The following EBF2 variants were observed in gnomAD, a reference collection of about 807,000 sequenced individuals.
EBF2 encodes the protein transcription factor COE2.
EBF2 carries 21 observed loss-of-function variants against 72.8 expected under a neutral mutation model. The ratio of observed to expected loss-of-function variants is 0.29; its 90% CI spans 0.20 to 0.42. EBF2 has a LOEUF of 0.42. EBF2 is among the 10% of genes least tolerant of loss of function. The probability of loss-of-function intolerance (pLI) is 1.00; values close to 1 mark genes in which losing one functional copy is unlikely to be tolerated. For synonymous variants in EBF2, 299 were observed against 274.2 expected, an observed-to-expected ratio of 1.09 and a Z score of -0.89; for missense variants, 637 against 731.2, an observed-to-expected ratio of 0.87 and a Z score of 1.49.
intron 6 of EBF2, among the ~76,000 whole-genome samples, chr8:26,030,666 A>G (rs1805387108): frequency 6.6e-6 from 1 of 152,166 alleles, no homozygotes; most frequent in Non-Finnish European, 1.5e-5. Context: ...TATTTACAGT[A>G]CCCTTTGGTA....
Position 26,042,118 on chromosome 8 carries a change from C to T in EBF2, c.265G>A (p.Val89Met), listed in dbSNP as rs1467349351. 2 of 1,613,564 alleles carry T rather than the reference C, an allele frequency of 1.2e-6. No homozygotes were observed. Among genetic ancestry groups the T allele is most frequent in the African/African-American group, 2.7e-5 (2 of 74,740 alleles). ...QPVEIERTAF[V>M]DFVENDKEQG... ...ACTTTGTCATTCTCCACAAAGTCCACGAAGGCCGTCCGCTCGATCTCCACC... is the reference window on the plus strand; with the variant it reads ...ACTTTGTCATTCTCCACAAAGTCCATGAAGGCCGTCCGCTCGATCTCCACC... Residue 89 changes from valine to methionine, a missense_variant, in exon 2 of 16, where the codon GTG becomes ATG. This residue lies in a region of EBF2 where 174 missense variants were observed against 161.9 expected (regional missense o/e 1.07). Coordinates refer to ENST00000520164, the MANE Select transcript of EBF2 (RefSeq NM_022659.4).
chr8:25,995,298 C>A (rs1245797872), intron 6 of EBF2, among the ~76,000 whole-genome samples: 2 of 152,144 alleles, frequency 1.3e-5, no homozygotes, highest in Non-Finnish European at 2.9e-5. Context: ...AAGAGTGAAA[C>A]TCTGCCTCAA....
At position 26,010,988 on chromosome 8, in the gene EBF2, T is replaced by TACACACACACACACACACAC. The variant is rs36211488; in HGVS notation, c.551+22077_551+22096dup. 1.7e-3 allele frequency among the ~76,000 whole-genome samples: 259 copies of TACACACACACACACACACAC among 150,864 alleles called. 1 individual carries two copies. Among genetic ancestry groups the TACACACACACACACACACAC allele is most frequent in the African/African-American group, 5.7e-3 (236 of 41,210 alleles). ...TTTTATATGCTTGCATATGTGTGCA[T>TACACACACACACACACACAC]ACACACACACACACACACACACACA... On this transcript the variant is annotated intron_variant, in intron 6 of 15. Transcript: ENST00000520164.
At chr8:25,888,095 C>T (rs1028358446) in intron 8 of EBF2, 123 bp from the exon 9 acceptor site, 17 of 1,084,754 alleles carry the variant, frequency 1.6e-5, no homozygotes, top group Middle Eastern at 2.6e-4. Context: ...CTAATGCTAA[C>T]GATAACTGAT....
chr8:26,010,589 C>G (rs1156808669), intron 6 of EBF2, among the ~76,000 whole-genome samples: 3 of 152,232 alleles, frequency 2.0e-5, no homozygotes, highest in African/African-American at 7.2e-5. Flanking sequence ...GAGAGGAGCA[C>G]AATCGTGACA....
intron 7 of EBF2, among the ~76,000 whole-genome samples, chr8:25,901,890 C>T (rs1353154408): frequency 1.3e-5 from 2 of 152,192 alleles, no homozygotes; most frequent in Non-Finnish European, 2.9e-5. Context: ...GCAAACCACT[C>T]ATTTATTTTT....
At chr8:26,037,638 T>C (rs1047982677) in intron 5 of EBF2, among the ~76,000 whole-genome samples, 1 of 152,206 alleles carries the variant, frequency 6.6e-6, no homozygotes, top group African/African-American at 2.4e-5. Context: ...AACTCTGTTA[T>C]TAGCCAGCTG....
chr8:26,030,698 A>T (rs1470422578), intron 6 of EBF2, among the ~76,000 whole-genome samples: 1 of 152,204 alleles, frequency 6.6e-6, no homozygotes, highest in Non-Finnish European at 1.5e-5. Context: ...ATGTGTAGAC[A>T]TGCAACATTT....
In EBF2 at chr8:26,037,789, G is replaced by C. The variant is rs569551119; in HGVS notation, c.482+2239C>G. ...GCAAAATGAACCAAAGCAGGGAAGA[G>C]AGGAACAGAGACCATTGGGGAAGGG... On this transcript the variant is annotated intron_variant, in intron 5 of 15. Coordinates refer to ENST00000520164, the MANE Select transcript of EBF2 (RefSeq NM_022659.4). Among the ~76,000 whole-genome samples, 4 of 152,276 alleles carry C rather than the reference G, an allele frequency of 2.6e-5. No individual in the cohort carries two copies. The South Asian group carries it at 8.3e-4, about 32-fold the overall frequency.
Position 26,000,986 on chromosome 8 carries a change from C to T in EBF2, c.551+32099G>A, listed in dbSNP as rs73675788. Among the ~76,000 whole-genome samples the T allele has an allele frequency of 6.7e-3, 1,021 of 152,276 alleles. 7 individuals carry two copies. Among genetic ancestry groups the T allele is most frequent in the African/African-American group, 0.024 (980 of 41,552 alleles). On this transcript the variant is annotated intron_variant, in intron 6 of 15. Transcript: ENST00000520164. ...GGCGCAAAAATCAAACCTACCTCAA[C>T]GAGGGGCCATAAATGTTAACATAAG...
At chr8:25,924,008 C>G (rs1387611209) in intron 6 of EBF2, among the ~76,000 whole-genome samples, 1 of 152,076 alleles carries the variant, frequency 6.6e-6, no homozygotes, top group African/African-American at 2.4e-5. Flanking sequence ...AATTAATCTC[C>G]CATGCTTATG....
At chr8:25,880,614 C>T (rs1160577790) in intron 10 of EBF2, among the ~76,000 whole-genome samples, 2 of 152,024 alleles carry the variant, frequency 1.3e-5, no homozygotes, top group Non-Finnish European at 2.9e-5. Flanking sequence ...CTATATGTTC[C>T]TACAAAGCCC....
At position 25,886,872 on chromosome 8, in the gene EBF2, G is replaced by T; in HGVS notation, c.892C>A (p.Pro298Thr). 6.2e-6 allele frequency: 10 copies of T among 1,612,268 alleles called. No individual in the cohort carries two copies. The highest frequency in any genetic ancestry group is 7.6e-6 in the Non-Finnish European group (9 of 1,179,094). The change falls in exon 10 of 16, where the codon CCT becomes ACT. Residue 298 changes from proline to threonine, a missense_variant. This residue lies in a region of EBF2 where 204 missense variants were observed against 301.2 expected (regional missense o/e 0.68). Coordinates refer to ENST00000520164, the MANE Select transcript of EBF2 (RefSeq NM_022659.4). Reference sequence around the variant, plus strand: ...GGAGTCTGTACTCTGATGGCATGAGGGGTTATTAGCTGAGGAATGAACAGG... The same window carrying T: ...GGAGTCTGTACTCTGATGGCATGAGTGGTTATTAGCTGAGGAATGAACAGG... ...TMLVWSELIT[P>T]HAIRVQTPPR...
chr8:25,919,632 AT>A (rs924387694), intron 6 of EBF2, among the ~76,000 whole-genome samples: 3 of 152,106 alleles, frequency 2.0e-5, no homozygotes, highest in African/African-American at 4.8e-5. Flanking sequence ...CCAAAAAAAA[AT>A]TTTTTTTTAA....
In EBF2 at chr8:26,008,923, AGTC is replaced by A; in HGVS notation, c.551+24159_551+24161del. Among the ~76,000 whole-genome samples, 3 of 151,780 alleles carry A rather than the reference AGTC, an allele frequency of 2.0e-5. No individual in the cohort carries two copies. The South Asian group carries it at 6.2e-4, about 32-fold the overall frequency. On this transcript the variant is annotated intron_variant, in intron 6 of 15. Transcript: ENST00000520164. ...TATGTGTGTGTAAAATTGTAGGAAA[AGTC>A]GTTAAGCCAAAAAGTTTGTGATATT...
At chr8:25,855,969 G>A (rs1396513414) in intron 14 of EBF2, among the ~76,000 whole-genome samples, 1 of 152,062 alleles carries the variant, frequency 6.6e-6, no homozygotes, top group Non-Finnish European at 1.5e-5. Context: ...CATTTTAATG[G>A]GTAATTTGAA....
At chr8:25,936,372 C>A (rs1409031905) in intron 6 of EBF2, among the ~76,000 whole-genome samples, 1 of 152,174 alleles carries the variant, frequency 6.6e-6, no homozygotes, top group Non-Finnish European at 1.5e-5. Flanking sequence ...GGAAAGCAGG[C>A]ACCACTTTTT....
At chr8:25,990,188 T>TAA (rs373601248) in intron 6 of EBF2, among the ~76,000 whole-genome samples, 87 of 146,372 alleles carry the variant, frequency 5.9e-4, no homozygotes, top group African/African-American at 2.1e-3. Context: ...CTATGGGTTA[T>TAA]ACACACACAC....
chr8:25,850,432 G>C lies in EBF2; in HGVS notation c.1696+162C>G, dbSNP rs114025070. On this transcript the variant is annotated intron_variant, in intron 15 of 15. Coordinates refer to ENST00000520164, the MANE Select transcript of EBF2 (RefSeq NM_022659.4). ...CCTGGCCCCATCTTGCTTTTAGATG[G>C]AGCACTTGCCTAGCTGTAGAAGCCA... Among the ~76,000 whole-genome samples the C allele has an allele frequency of 7.9e-3, 1,198 of 152,266 alleles. 15 individuals carry two copies. Among genetic ancestry groups the C allele is most frequent in the African/African-American group, 0.027 (1,138 of 41,556 alleles).
Sources: allele counts gnomAD v4.1 joint callset (sites outside exome capture counted in the v4.1 genomes callset), GRCh38; gene constraint gnomAD v4.1.1; regional missense constraint gnomAD v4.1.1; transcripts MANE v1.5; gene names NCBI Gene and HGNC (gene_info 2026-07-23, HGNC 2026-07-21).